EPHA6: variants seen among roughly 807,000 people sequenced by gnomAD.
EPHA6 encodes the protein EPH receptor A6, also known as ephrin type-A receptor 6.
In EPHA6, 50 loss-of-function variants were observed where a neutral mutation model predicts 112.0. The observed-to-expected ratio is 0.45, with a 90% CI of 0.36 to 0.56. The LOEUF is 0.56. EPHA6 is among the 20% of genes least tolerant of loss of function. EPHA6 has a pLI of 0.00. For missense variants in EPHA6, 1,280 were observed against 1,417.4 expected (o/e 0.90, Z 1.56); for synonymous variants, 529 against 490.7 (o/e 1.08, Z -1.03).
At chr3:96,868,159 CGT>C (rs753000378) in intron 2 of EPHA6, among the ~76,000 whole-genome samples, 135 of 142,150 alleles carry the variant, frequency 9.5e-4, no homozygotes, top group East Asian at 3.9e-3. Context: ...TGTGTGTGTG[CGT>C]GTGTGTGTGT....
intron 15 of EPHA6, among the ~76,000 whole-genome samples, chr3:97,730,132 G>C (rs546464304): frequency 1.3e-5 from 2 of 152,172 alleles, no homozygotes; most frequent in African/African-American, 4.8e-5. Context: ...GTATTGTTCA[G>C]AGATGTCTCA....
intron 11 of EPHA6, among the ~76,000 whole-genome samples, chr3:97,558,224 A>G (rs558895706): frequency 2.0e-5 from 3 of 152,006 alleles, no homozygotes; most frequent in Admixed American, 6.6e-5. Context: ...ATCCTTTTCC[A>G]GCTGAAGGCA....
intron 3 of EPHA6, among the ~76,000 whole-genome samples, chr3:97,065,722 AG>A (rs1226775533): frequency 6.6e-6 from 1 of 152,096 alleles, no homozygotes; most frequent in Admixed American, 6.6e-5. Flanking sequence ...ACATTAAATG[AG>A]TTTATGTCAT....
chr3:96,936,765 C>G (rs908348810), intron 2 of EPHA6, among the ~76,000 whole-genome samples: 1 of 152,058 alleles, frequency 6.6e-6, no homozygotes, highest in Non-Finnish European at 1.5e-5. Context: ...ACCACTCCTC[C>G]GACCCCACAA....
chr3:97,246,264 A>G (rs2078984106), intron 5 of EPHA6, among the ~76,000 whole-genome samples: 1 of 151,962 alleles, frequency 6.6e-6, no homozygotes, highest in Non-Finnish European at 1.5e-5. Flanking sequence ...GCTACAGGGA[A>G]AAAAATTTAA....
intron 2 of EPHA6, among the ~76,000 whole-genome samples, chr3:96,915,857 A>G (rs2039458341): frequency 6.6e-6 from 1 of 152,102 alleles, no homozygotes; most frequent in Admixed American, 6.6e-5. Context: ...GTACTGTTTT[A>G]TGCCAGTTTT....
intron 6 of EPHA6, among the ~76,000 whole-genome samples, chr3:97,422,625 C>T (rs2088764436): frequency 6.6e-6 from 1 of 152,136 alleles, no homozygotes; most frequent in Non-Finnish European, 1.5e-5. Context: ...GAACAACATA[C>T]ATTATTCTCA....
chr3:96,817,553 C>T (rs1437588183), intron 1 of EPHA6, among the ~76,000 whole-genome samples: 1 of 151,436 alleles, frequency 6.6e-6, no homozygotes, highest in African/African-American at 2.4e-5. Context: ...TTTAATTGTC[C>T]AATAATTTTC....
At chr3:97,464,238 A>G (rs1029325457) in intron 7 of EPHA6, among the ~76,000 whole-genome samples, 5 of 152,072 alleles carry the variant, frequency 3.3e-5, no homozygotes, top group Non-Finnish European at 5.9e-5. Flanking sequence ...CGGTAATCCA[A>G]TGCATATGAC....
At chr3:97,183,946 C>A (rs1197233555) in intron 3 of EPHA6, among the ~76,000 whole-genome samples, 1 of 152,076 alleles carries the variant, frequency 6.6e-6, no homozygotes, top group African/African-American at 2.4e-5. Context: ...ATTAGCTGAT[C>A]TTCCAAAATA....
At chr3:97,224,423 A>G (rs921926749) in intron 3 of EPHA6, among the ~76,000 whole-genome samples, 10 of 152,222 alleles carry the variant, frequency 6.6e-5, no homozygotes, top group African/African-American at 2.4e-4. Context: ...AAAACACGTC[A>G]GATAAGAAAT....
intron 4 of EPHA6, among the ~76,000 whole-genome samples, chr3:97,241,716 G>T (rs575543274): frequency 6.7e-6 from 1 of 148,582 alleles, no homozygotes; most frequent in African/African-American, 2.5e-5. Flanking sequence ...ATGCAAATTG[G>T]TATGAGGGCC....
intron 5 of EPHA6, among the ~76,000 whole-genome samples, chr3:97,279,098 A>G (rs2080200322): frequency 6.6e-6 from 1 of 152,224 alleles, no homozygotes; most frequent in Non-Finnish European, 1.5e-5. Flanking sequence ...CAAGCAATTT[A>G]GGATGTTTCT....
intron 5 of EPHA6, among the ~76,000 whole-genome samples, chr3:97,247,688 G>A (rs2079024270): frequency 2.0e-5 from 3 of 151,866 alleles, no homozygotes; most frequent in Non-Finnish European, 1.5e-5. Flanking sequence ...GGAAGGAGCT[G>A]AAGAGTTCAT....
At chr3:97,232,855 G>A (rs887656201) in intron 4 of EPHA6, among the ~76,000 whole-genome samples, 2 of 152,094 alleles carry the variant, frequency 1.3e-5, no homozygotes, top group Admixed American at 1.3e-4. Flanking sequence ...TTCATGCACA[G>A]TGGCCTGCTG....
chr3:97,305,773 TA>T (rs2081293820), intron 5 of EPHA6, among the ~76,000 whole-genome samples: 1 of 151,828 alleles, frequency 6.6e-6, no homozygotes, highest in African/African-American at 2.4e-5. Context: ...TGGGGTTTAA[TA>T]CCTAGGTGAT....
chr3:96,886,858 A>G (rs942785060), intron 2 of EPHA6, among the ~76,000 whole-genome samples: 4 of 152,072 alleles, frequency 2.6e-5, no homozygotes, highest in African/African-American at 9.7e-5. Context: ...AGCTCCTTTT[A>G]CCAGTTCTTG....
At chr3:96,943,413 T>C (rs999021230) in intron 2 of EPHA6, among the ~76,000 whole-genome samples, 21 of 152,306 alleles carry the variant, frequency 1.4e-4, no homozygotes, top group African/African-American at 4.1e-4. Context: ...CAATTATGTG[T>C]CAATTAAAAA....
chr3:97,275,504 G>A (rs1035475887), intron 5 of EPHA6, among the ~76,000 whole-genome samples: 1 of 152,256 alleles, frequency 6.6e-6, no homozygotes, highest in African/African-American at 2.4e-5. Context: ...GGGAGGTATT[G>A]AGGATAGGAG....
Sources: gnomAD v4.1 joint callset for allele counts (sites outside exome capture counted in the v4.1 genomes callset) on GRCh38, gnomAD v4.1.1 for gene constraint, MANE v1.5 for transcripts, NCBI Gene and HGNC (gene_info 2026-07-23, HGNC 2026-07-21) for gene names.